PARD3B: variants seen among roughly 807,000 people sequenced by gnomAD.
PARD3B encodes the protein partitioning defective 3 homolog B.
PARD3B carries 103 observed loss-of-function variants against 130.2 expected under a neutral mutation model. That is an observed-to-expected ratio of 0.79 (90% CI 0.67 to 0.93). PARD3B has a LOEUF of 0.93. PARD3B is among the 40% of genes least tolerant of loss of function. PARD3B has a pLI of 0.00. For synonymous variants in PARD3B, 583 were observed against 553.2 expected (o/e 1.05, Z -0.76); for missense variants, 1,609 against 1,499.2 (o/e 1.07, Z -1.21).
At chr2:204,758,177 T>G (rs2125402473) in intron 2 of PARD3B, among the ~76,000 whole-genome samples, 1 of 152,272 alleles carries the variant, frequency 6.6e-6, no homozygotes, top group African/African-American at 2.4e-5. Flanking sequence ...CTAGTTGGAC[T>G]TACTTTTAAA....
intron 2 of PARD3B, among the ~76,000 whole-genome samples, chr2:204,763,595 A>T (rs1324662261): frequency 6.6e-6 from 1 of 152,262 alleles, no homozygotes. Context: ...AACTTATTCC[A>T]TAGAGGAGAT....
At chr2:205,560,129 G>A (rs2053076466) in intron 22 of PARD3B, among the ~76,000 whole-genome samples, 2 of 152,176 alleles carry the variant, frequency 1.3e-5, no homozygotes, top group Non-Finnish European at 2.9e-5. Flanking sequence ...CAAACAGTCT[G>A]GCTGCGAGTT....
chr2:204,555,561 A>G (rs2030862011), intron 1 of PARD3B, among the ~76,000 whole-genome samples: 2 of 152,282 alleles, frequency 1.3e-5, no homozygotes, highest in South Asian at 4.2e-4. Context: ...CCGTCTTAAA[A>G]AAAATTTATA....
chr2:204,854,829 G>A (rs1207275556), intron 2 of PARD3B, among the ~76,000 whole-genome samples: 3 of 152,088 alleles, frequency 2.0e-5, no homozygotes, highest in South Asian at 2.1e-4. Context: ...ATCACTGCGC[G>A]CCAGGAAAAT....
chr2:205,550,963 A>ATATATATATG lies in PARD3B; in HGVS notation c.3181-2352_3181-2351insGTATATATAT, dbSNP rs1559206992. Among the ~76,000 whole-genome samples the ATATATATATG allele has an allele frequency of 5.3e-4, 57 of 106,790 alleles. 1 individual carries two copies. Among genetic ancestry groups the ATATATATATG allele is most frequent in the Admixed American group, 3.1e-3 (34 of 10,824 alleles). 70.1% of individuals were successfully genotyped at this position (106,790 alleles called of 152,430 possible). A position where few individuals can be genotyped will look rare whatever the true frequency, so the allele number is the denominator to read the frequency against. On this transcript the variant is annotated intron_variant, in intron 21 of 22. Transcript: ENST00000406610. This position sits in a 1 kb window ranked among gnomAD's most constrained non-coding sequence, Gnocchi z 4.5. ...TGTGTATATATATATGTGTATATAT[A>ATATATATATG]TATATATATATATACACACACACAC... is the stretch of plus-strand genomic sequence containing the variant.
At chr2:205,411,305 T>C (rs2046588829) in intron 19 of PARD3B, among the ~76,000 whole-genome samples, 1 of 152,156 alleles carries the variant, frequency 6.6e-6, no homozygotes, top group Non-Finnish European at 1.5e-5. Flanking sequence ...CCTAAGGATA[T>C]GTATTTTGAA....
At chr2:204,779,839 A>C (rs1363185232) in intron 2 of PARD3B, among the ~76,000 whole-genome samples, 2 of 152,164 alleles carry the variant, frequency 1.3e-5, no homozygotes, top group Admixed American at 6.5e-5. Context: ...AAACTGTAAA[A>C]TTCTAAGCAA....
At chr2:205,132,033 G>C (rs1002301720) in intron 10 of PARD3B, among the ~76,000 whole-genome samples, 1 of 152,130 alleles carries the variant, frequency 6.6e-6, no homozygotes, top group African/African-American at 2.4e-5. Context: ...GACTAGACTA[G>C]TGTCTACCCA....
chr2:204,880,341 C>T (rs1021052491), intron 2 of PARD3B, among the ~76,000 whole-genome samples: 7 of 152,054 alleles, frequency 4.6e-5, no homozygotes, highest in African/African-American at 1.7e-4. Context: ...AGAGAGAGAG[C>T]ATGCATATAT....
At chr2:204,871,394 T>C (rs1234445331) in intron 2 of PARD3B, among the ~76,000 whole-genome samples, 1 of 152,126 alleles carries the variant, frequency 6.6e-6, no homozygotes, top group Non-Finnish European at 1.5e-5. Context: ...TATCCTTCAA[T>C]TTTAACTTTA....
chr2:205,014,851 A>C (rs1003280275), intron 3 of PARD3B, among the ~76,000 whole-genome samples: 1 of 152,226 alleles, frequency 6.6e-6, no homozygotes, highest in Non-Finnish European at 1.5e-5. Flanking sequence ...AGTGAAATTT[A>C]AGCTGAGGAC....
At chr2:205,206,216 C>CTTTTTTTT (rs201694463) in intron 15 of PARD3B, among the ~76,000 whole-genome samples, 1 of 127,892 alleles carries the variant, frequency 7.8e-6, no homozygotes, top group Admixed American at 7.9e-5. Context: ...TTTTTTTTTT[C>CTTTTTTTT]TTTTTTTTTT....
At chr2:205,399,947 C>T (rs948918088) in intron 18 of PARD3B, among the ~76,000 whole-genome samples, 1 of 152,106 alleles carries the variant, frequency 6.6e-6, no homozygotes, top group Non-Finnish European at 1.5e-5. Flanking sequence ...CTCAGCCCTG[C>T]CCTGACTCTG....
intron 3 of PARD3B, among the ~76,000 whole-genome samples, chr2:205,017,807 ACTG>A (rs1333713140): frequency 1.3e-5 from 2 of 152,196 alleles, no homozygotes; most frequent in Non-Finnish European, 2.9e-5. Flanking sequence ...TCACTGGGTG[ACTG>A]GCAGAAAGAT....
chr2:204,803,158 A>T (rs2042635788), intron 2 of PARD3B, among the ~76,000 whole-genome samples: 1 of 133,362 alleles, frequency 7.5e-6, no homozygotes, highest in East Asian at 2.1e-4. Context: ...AAAAAAAAAA[A>T]AAAAAATATA....
intron 2 of PARD3B, among the ~76,000 whole-genome samples, chr2:204,931,956 A>G (rs1346111446): frequency 6.6e-6 from 1 of 152,084 alleles, no homozygotes; most frequent in Non-Finnish European, 1.5e-5. Context: ...ATTTAATTAC[A>G]CAGCTGCAAA....
intron 15 of PARD3B, among the ~76,000 whole-genome samples, chr2:205,227,839 T>C (rs563564357): frequency 6.6e-6 from 1 of 152,302 alleles, no homozygotes; most frequent in South Asian, 2.1e-4. Flanking sequence ...CTTTTTCTTT[T>C]TTGTATATCC....
At chr2:205,414,172 A>G (rs1201498683) in intron 19 of PARD3B, among the ~76,000 whole-genome samples, 2 of 152,310 alleles carry the variant, frequency 1.3e-5, no homozygotes, top group Admixed American at 6.5e-5. Context: ...CAAGGAGGCA[A>G]TAGGACTAAA....
At chr2:204,883,364 C>T in intron 2 of PARD3B, among the ~76,000 whole-genome samples, 1 of 133,070 alleles carries the variant, frequency 7.5e-6, no homozygotes, top group East Asian at 2.2e-4. Context: ...GATGCATTAA[C>T]TATATTTTCT....
Sources: gnomAD v4.1 joint callset for allele counts (sites outside exome capture counted in the v4.1 genomes callset) on GRCh38, gnomAD v4.1.1 for gene constraint, Gnocchi (gnomAD v3.1) non-coding constraint, MANE v1.5 for transcripts, NCBI Gene and HGNC (gene_info 2026-07-23, HGNC 2026-07-21) for gene names.